Variants in RCVRN observed in about 807,000 individuals in gnomAD.
The protein encoded by RCVRN is cancer associated retinopathy antigen.
RCVRN carries 23 observed loss-of-function variants against 20.4 expected under a neutral mutation model. That is an observed-to-expected ratio of 1.13 (90% CI 0.81 to 1.60). RCVRN has a LOEUF of 1.60. Ranked by LOEUF, RCVRN falls within the 40% of genes most tolerant of loss-of-function variation. The pLI, the probability that RCVRN is intolerant of heterozygous loss-of-function variation, is 0.00. For synonymous variants in RCVRN, 105 were observed against 105.9 expected (o/e 0.99, Z 0.05); for missense variants, 254 against 254.2 (o/e 1.00, Z 0.00).
At chr17:9,901,147 G>T in intron 1 of RCVRN, 47 bp from the exon 2 acceptor site, 2 of 1,083,428 alleles carry the variant, frequency 1.8e-6, no homozygotes, top group Non-Finnish European at 2.8e-6. Context: ...ACTTTAAGGG[G>T]CTGGCAACCC....
chr17:9,903,809 G>A (rs1382862079), intron 1 of RCVRN, among the ~76,000 whole-genome samples: 2 of 152,208 alleles, frequency 1.3e-5, no homozygotes, highest in East Asian at 3.8e-4. Flanking sequence ...CCATGGTCCA[G>A]CCTTTTGCTC....
rs762716046 is a variant in RCVRN at position 9,904,752 on chromosome 17, G to A, written c.381+48C>T. 44 of 1,575,836 alleles carry A rather than the reference G, an allele frequency of 2.8e-5. No homozygotes were observed. In the East Asian group the frequency reaches 4.3e-4, roughly 15 times the overall value. ...AGCTGCAGCAGGGGACCCCCAGCCC[G>A]GAGCGACCCCGGCACCGCCCAGCCA... On this transcript the variant is annotated intron_variant, in intron 1 of 2. Transcript: ENST00000226193. The surrounding 1 kb of genome is among the most constrained non-coding windows in gnomAD (Gnocchi z 5.8).
chr17:9,900,453 G>A (rs62064493), intron 2 of RCVRN, among the ~76,000 whole-genome samples: 26,030 of 131,452 alleles, frequency 0.2, 2,898 homozygotes, highest in Non-Finnish European at 0.26. Flanking sequence ...CTGCAGTCTC[G>A]GGCATTACTT....
chr17:9,903,042 A>T (rs577309167), intron 1 of RCVRN, among the ~76,000 whole-genome samples: 1 of 152,350 alleles, frequency 6.6e-6, no homozygotes, highest in African/African-American at 2.4e-5. Flanking sequence ...GAAAGCACTC[A>T]TGATAAAAGA....
chr17:9,905,254 T>G lies in RCVRN; in HGVS notation c.-74A>C, dbSNP rs2286531. The G allele has an allele frequency of 0.19, 280,914 of 1,458,904 alleles. 30,550 individuals are homozygous for G. Among genetic ancestry groups the G allele is most frequent in the East Asian group, 0.38 (15,880 of 41,480 alleles). The allele number at this position is 1,458,904 out of a possible 1,614,324, so 90.4% of individuals were successfully genotyped here. A position where few individuals can be genotyped will look rare whatever the true frequency, so the allele number is the denominator to read the frequency against. ...CGTGCGTGGTCCCCTGGCCGCAGGC[T>G]GGGCTCAAGGCTGGTGTGAGCTGAA... is the stretch of plus-strand genomic sequence containing the variant. On this transcript the variant is annotated 5_prime_UTR_variant, in exon 1 of 3. Coordinates refer to ENST00000226193, the MANE Select transcript of RCVRN (RefSeq NM_002903.3).
At chr17:9,901,158 T>C in intron 1 of RCVRN, 58 bp from the exon 2 acceptor site, 1 of 946,412 alleles carries the variant, frequency 1.1e-6, no homozygotes. Flanking sequence ...CTGGCAACCC[T>C]GGAAAATCCA....
Position 9,900,986 on chromosome 17 carries a change from C to T in RCVRN, c.493+3G>A. 1 of 1,556,120 alleles carries T rather than the reference C, an allele frequency of 6.4e-7. No individual in the cohort carries two copies. The highest frequency in any genetic ancestry group is 8.8e-7 in the Non-Finnish European group (1 of 1,133,924). ...CAAAGGCAATGAAGGAAAAGGAATTCACCATCATCATTCTTTCCAAAGTAC... is the reference window on the plus strand; with the variant it reads ...CAAAGGCAATGAAGGAAAAGGAATTTACCATCATCATTCTTTCCAAAGTAC... On this transcript the variant is annotated splice_donor_region_variant and intron_variant, in intron 2 of 2. Transcript: ENST00000226193.
At chr17:9,902,656 AT>A (rs2067346652) in intron 1 of RCVRN, among the ~76,000 whole-genome samples, 1 of 152,232 alleles carries the variant, frequency 6.6e-6, no homozygotes, top group Non-Finnish European at 1.5e-5. Flanking sequence ...GGAATGTTCA[AT>A]AATTTCCACA....
intron 1 of RCVRN, among the ~76,000 whole-genome samples, chr17:9,903,486 AC>A (rs2067350216): frequency 6.6e-6 from 1 of 152,240 alleles, no homozygotes; most frequent in South Asian, 2.1e-4. Flanking sequence ...GCTGGGGAGA[AC>A]ATGAGGACTA....
Position 9,897,857 on chromosome 17 carries a change from G to T in RCVRN, c.*238C>A, listed in dbSNP as rs753568779. 65 of 508,518 alleles carry T rather than the reference G, an allele frequency of 1.3e-4. No individual in the cohort carries two copies. Among genetic ancestry groups the T allele is most frequent in the Non-Finnish European group, 2.2e-4 (61 of 282,680 alleles). 31.5% of individuals were successfully genotyped at this position (508,518 alleles called of 1,614,324 possible). A position where few individuals can be genotyped will look rare whatever the true frequency, so the allele number is the denominator to read the frequency against. ...TGGACAGAGGGAGGGGTGGGACCGGGCATGATGGGAGGGAATGCTGAAGAC... is the reference window on the plus strand; with the variant it reads ...TGGACAGAGGGAGGGGTGGGACCGGTCATGATGGGAGGGAATGCTGAAGAC... On this transcript the variant is annotated 3_prime_UTR_variant, in exon 3 of 3. Transcript: ENST00000226193.
At position 9,898,007 on chromosome 17, in the gene RCVRN, C is replaced by T. The variant is rs887259; in HGVS notation, c.*88G>A. On this transcript the variant is annotated 3_prime_UTR_variant, in exon 3 of 3. Transcript: ENST00000226193. ...ATGTGTGTGTGTGTGTGTGCGCGCG[C>T]GTGTGTGTGCATGTGTGTGTGTGTG... 80,864 of 799,436 alleles carry T rather than the reference C, an allele frequency of 0.1. 4,906 individuals carry two copies. Among genetic ancestry groups the T allele is most frequent in the East Asian group, 0.21 (8,579 of 40,412 alleles). The allele number at this position is 799,436 out of a possible 1,614,324, so 49.5% of individuals were successfully genotyped here.
rs771702995 is a variant in RCVRN at position 9,905,222 on chromosome 17, G to A, written c.-42C>T. 1.9e-6 allele frequency: 3 copies of A among 1,553,468 alleles called. No individual in the cohort carries two copies. In the East Asian group the frequency reaches 6.8e-5, roughly 35 times the overall value. On this transcript the variant is annotated 5_prime_UTR_variant, in exon 1 of 3. Transcript: ENST00000226193. ...GCAGCGGCTGGGGAGTCGCTGGGTGGGTGGGACGTGCGTGGTCCCCTGGCC... is the reference window on the plus strand; with the variant it reads ...GCAGCGGCTGGGGAGTCGCTGGGTGAGTGGGACGTGCGTGGTCCCCTGGCC...
chr17:9,897,941 T>C lies in RCVRN; in HGVS notation c.*154A>G. The C allele has an allele frequency of 1.6e-6, 1 of 638,334 alleles. No homozygotes were observed. The highest frequency in any genetic ancestry group is 2.8e-6 in the Non-Finnish European group (1 of 354,378). The allele number at this position is 638,334 out of a possible 1,614,324, so 39.5% of individuals were successfully genotyped here. Reference sequence around the variant, plus strand: ...GCTTCAGTTTGGCAGGGAGCTGTGCTGTGGGCTTGTGTGCAGGCCTTTCTC... The same window carrying C: ...GCTTCAGTTTGGCAGGGAGCTGTGCCGTGGGCTTGTGTGCAGGCCTTTCTC... On this transcript the variant is annotated 3_prime_UTR_variant, in exon 3 of 3. Coordinates refer to ENST00000226193, the MANE Select transcript of RCVRN (RefSeq NM_002903.3).
At chr17:9,903,936 T>C (rs749461838) in intron 1 of RCVRN, among the ~76,000 whole-genome samples, 2 of 152,026 alleles carry the variant, frequency 1.3e-5, no homozygotes, top group African/African-American at 2.4e-5. Flanking sequence ...GCAGTAAAAA[T>C]ACAGTATAAA....
chr17:9,898,399 C>G (rs919909563), intron 2 of RCVRN, among the ~76,000 whole-genome samples, 195 bp from the exon 3 acceptor site: 5 of 152,164 alleles, frequency 3.3e-5, no homozygotes, highest in African/African-American at 1.2e-4. Context: ...TCCCATGACC[C>G]TTGGAGCTCC....
In RCVRN at chr17:9,904,692, C is replaced by T; in HGVS notation, c.381+108G>A. 7.6e-7 allele frequency: 1 copy of T among 1,308,736 alleles called. No homozygotes were observed. The highest frequency in any genetic ancestry group is 2.3e-5 in the East Asian group (1 of 43,150). 81.1% of individuals were successfully genotyped at this position (1,308,736 alleles called of 1,614,324 possible). On this transcript the variant is annotated intron_variant, in intron 1 of 2. Coordinates refer to ENST00000226193, the MANE Select transcript of RCVRN (RefSeq NM_002903.3). The surrounding 1 kb of genome is among the most constrained non-coding windows in gnomAD (Gnocchi z 5.8). ...GCTCTCAGAGCCAGTGGCCCGCATCCCCCGCTCCACCCACAGATCCACTCC... is the reference window on the plus strand; with the variant it reads ...GCTCTCAGAGCCAGTGGCCCGCATCTCCCGCTCCACCCACAGATCCACTCC...
rs2067332881 is a variant in RCVRN, at chr17:9,899,588, CAAAG to C, written c.494-1388_494-1385del. On this transcript the variant is annotated intron_variant, in intron 2 of 2. Transcript: ENST00000226193. This position sits in a 1 kb window ranked among gnomAD's most constrained non-coding sequence, Gnocchi z 4.6. The stretch of plus-strand genomic sequence containing the variant: ...GAAGCCAGTTAAGGAGCCAGTGGGG[CAAAG>C]TGCCAAAAGAAGGCATCTTGGTAGC... Among the ~76,000 whole-genome samples the C allele has an allele frequency of 6.6e-6, 1 of 152,154 alleles. No individual in the cohort carries two copies. The highest frequency in any genetic ancestry group is 1.5e-5 in the Non-Finnish European group (1 of 68,026).
rs1010394946 is a variant in RCVRN at position 9,897,683 on chromosome 17, A to G, written c.*412T>C. 1.2e-5 allele frequency: 2 copies of G among 169,112 alleles called. No homozygotes were observed. Among genetic ancestry groups the G allele is most frequent in the Non-Finnish European group, 2.5e-5 (2 of 78,758 alleles). The allele number at this position is 169,112 out of a possible 1,614,324, so 10.5% of individuals were successfully genotyped here. On this transcript the variant is annotated 3_prime_UTR_variant, in exon 3 of 3. Transcript: ENST00000226193. The stretch of plus-strand genomic sequence containing the variant: ...ACTGATAGAAATCATTTCCTTTTCC[A>G]GTTGAAGGATGACCAGCAGCCACGT...
At position 9,901,077 on chromosome 17, in the gene RCVRN, G is replaced by C; in HGVS notation, c.405C>G (p.Pro135=). ...IVMAIFKMIT[P]EDVKLLPDDE... ...CGTCTGGAAGGAGCTTCACGTCCTC[G>C]GGAGTGATCATTTTGAAAATAGCCT... Residue 135 remains proline, a synonymous_variant, in exon 2 of 3, where the codon CCC becomes CCG. Coordinates refer to ENST00000226193, the MANE Select transcript of RCVRN (RefSeq NM_002903.3). 2 of 1,603,318 alleles carry C rather than the reference G, an allele frequency of 1.2e-6. No individual in the cohort carries two copies. Among genetic ancestry groups the C allele is most frequent in the South Asian group, 1.1e-5 (1 of 90,354 alleles).
Sources: gnomAD v4.1 joint callset for allele counts (sites outside exome capture counted in the v4.1 genomes callset) on GRCh38, gnomAD v4.1.1 for gene constraint, Gnocchi (gnomAD v3.1) non-coding constraint, MANE v1.5 for transcripts, NCBI Gene and HGNC (gene_info 2026-07-23, HGNC 2026-07-21) for gene names.